SPACA6: variants seen among roughly 807,000 people sequenced by gnomAD.
The protein encoded by SPACA6 is sperm acrosome associated 6.
For missense variants in SPACA6, 8 were observed against 2.8 expected, an observed-to-expected ratio of 2.88 and a Z score of -1.34; for synonymous variants, 6 against 1.5, an observed-to-expected ratio of 4.05 and a Z score of -2.21.
chr19:51,694,957 C>T (rs2122200481), intron 2 of SPACA6, among the ~76,000 whole-genome samples: 1 of 152,208 alleles, frequency 6.6e-6, no homozygotes, highest in East Asian at 1.9e-4. Context: ...GGCCATGGAG[C>T]TCAGTGCAGG....
rs1337322215 is a variant in SPACA6, at chr19:51,703,461, G to C, written c.573+124G>C. 1 of 397,172 alleles carries C rather than the reference G, an allele frequency of 2.5e-6. No homozygotes were observed. The highest frequency in any genetic ancestry group is 2.1e-5 in the African/African-American group (1 of 48,614). 24.6% of individuals were successfully genotyped at this position (397,172 alleles called of 1,614,324 possible). A position where few individuals can be genotyped will look rare whatever the true frequency, so the allele number is the denominator to read the frequency against. On this transcript the variant is annotated intron_variant, in intron 6 of 8. Coordinates refer to ENST00000637797, the MANE Select transcript of SPACA6 (RefSeq NM_001316972.2). This position sits in a 1 kb window ranked among gnomAD's most constrained non-coding sequence, Gnocchi z 4.2. ...TCCGTCTAGACACAAGCATCAGCAA[G>C]AGGAGGGTCGCGGGATTTAGGGGAG...
chr19:51,690,077 C>A (rs1273794384), upstream of SPACA6, among the ~76,000 whole-genome samples: 1 of 133,166 alleles, frequency 7.5e-6, no homozygotes, highest in Non-Finnish European at 1.6e-5. Flanking sequence ...GGGTCAGCGG[C>A]GGGGGCAGGA....
chr19:51,712,327 TTGAG>T (rs2083545795), exon 3 of SPACA6: 1 of 152,282 alleles, frequency 6.6e-6, no homozygotes, highest in East Asian at 1.9e-4. Context: ...ATTGTACACT[TTGAG>T]TGAGTGAACT....
At chr19:51,701,925 A>G (rs532393143) in intron 3 of SPACA6, among the ~76,000 whole-genome samples, 199 bp downstream of exon 3, 71 of 152,278 alleles carry the variant, frequency 4.7e-4, no homozygotes, top group African/African-American at 1.7e-3. Context: ...TACTAAAATT[A>G]GCTGGGCGTG....
At chr19:51,704,561 A>G (rs1433146093) in intron 8 of SPACA6, 81 bp downstream of exon 8, 1 of 400,044 alleles carries the variant, frequency 2.5e-6, no homozygotes, top group South Asian at 1.3e-4. Context: ...GTTCCCAGCA[A>G]CCTCCAACCC....
intron 4 of SPACA6, 103 bp from the exon 5 acceptor site, chr19:51,702,918 C>T: frequency 2.5e-6 from 1 of 399,096 alleles, no homozygotes; most frequent in East Asian, 3.6e-5. Flanking sequence ...CAAGATGCCA[C>T]CTGGCCGATG....
rs2083498690 is a variant in SPACA6 at position 51,704,461 on chromosome 19, A to T, written c.922A>T (p.Ser308Cys). The part of the protein sequence containing the change: ...LAVLGALASA[S>C]ATVLAWMFFR... ...AGTCCTCGGGGCCCTCGCATCAGCGAGTGCGACAGTGTTGGCGTGGTGAGT... is the reference window on the plus strand; with the variant it reads ...AGTCCTCGGGGCCCTCGCATCAGCGTGTGCGACAGTGTTGGCGTGGTGAGT... Residue 308 changes from serine to cysteine, a missense_variant, in exon 8 of 9, where the codon AGT becomes TGT. Coordinates refer to ENST00000637797, the MANE Select transcript of SPACA6 (RefSeq NM_001316972.2). 1.0e-5 allele frequency: 4 copies of T among 401,094 alleles called. No homozygotes were observed. The highest frequency in any genetic ancestry group is 1.8e-5 in the Non-Finnish European group (4 of 226,188). The allele number at this position is 401,094 out of a possible 1,614,324, so 24.8% of individuals were successfully genotyped here. A position where few individuals can be genotyped will look rare whatever the true frequency, so the allele number is the denominator to read the frequency against.
At chr19:51,685,124 A>C (rs1055373327), upstream of SPACA6, among the ~76,000 whole-genome samples, 1 of 152,152 alleles carries the variant, frequency 6.6e-6, no homozygotes, top group Non-Finnish European at 1.5e-5. Context: ...CCTCCTGTCT[A>C]CCAGTTCCTG....
At chr19:51,701,076 G>A (rs558679272) in intron 2 of SPACA6, among the ~76,000 whole-genome samples, 18 of 152,186 alleles carry the variant, frequency 1.2e-4, no homozygotes, top group South Asian at 6.2e-4. Context: ...ACAAAAATTA[G>A]CCAGGCGTGG....
chr19:51,705,279 A>G (rs971535553), downstream of SPACA6: 10 of 395,256 alleles, frequency 2.5e-5, no homozygotes, highest in Non-Finnish European at 4.0e-5. Context: ...TATGGCCCGC[A>G]TAATGACAGT....
chr19:51,685,320 G>A (rs1383438568), upstream of SPACA6: 2 of 152,102 alleles, frequency 1.3e-5, no homozygotes, highest in Non-Finnish European at 2.9e-5. Flanking sequence ...GGTGATATAG[G>A]TTGAGCATCC....
At chr19:51,691,070 C>T (rs1447255530), upstream of SPACA6, among the ~76,000 whole-genome samples, 5 of 108,632 alleles carry the variant, frequency 4.6e-5, no homozygotes, top group South Asian at 1.5e-3. Flanking sequence ...CCTCCTCCGC[C>T]CCTTTCCCGC....
chr19:51,699,017 G>A (rs998419719), intron 2 of SPACA6, among the ~76,000 whole-genome samples: 13 of 152,248 alleles, frequency 8.5e-5, no homozygotes, highest in East Asian at 3.9e-4. Context: ...CTCTGTCTTT[G>A]TTTTTTAGAG....
chr19:51,692,213 C>G (rs908618907), upstream of SPACA6, among the ~76,000 whole-genome samples: 2 of 152,088 alleles, frequency 1.3e-5, no homozygotes, highest in African/African-American at 4.8e-5. This position sits in a 1 kb window ranked among gnomAD's most constrained non-coding sequence, Gnocchi z 5.6. Context: ...CCCAAAGGGC[C>G]AAATTACGAG....
intron 1 of SPACA6, 116 bp downstream of exon 1, chr19:51,693,856 G>A: frequency 2.5e-6 from 1 of 400,122 alleles, no homozygotes; most frequent in Non-Finnish European, 4.4e-6. Context: ...GAGGAGAAAG[G>A]CTCAAAGACC....
chr19:51,711,252 C>T (rs2083539964), intron 2 of SPACA6, among the ~76,000 whole-genome samples: 1 of 152,140 alleles, frequency 6.6e-6, no homozygotes, highest in Non-Finnish European at 1.5e-5. Context: ...TAGGGGAAAG[C>T]ATGACCATCT....
chr19:51,705,162 C>T lies in SPACA6; in HGVS notation c.*39C>T. The T allele has an allele frequency of 2.5e-6, 1 of 401,224 alleles. No homozygotes were observed. The highest frequency in any genetic ancestry group is 4.4e-6 in the Non-Finnish European group (1 of 226,252). The allele number at this position is 401,224 out of a possible 1,614,324, so 24.9% of individuals were successfully genotyped here. A position where few individuals can be genotyped will look rare whatever the true frequency, so the allele number is the denominator to read the frequency against. Reference sequence around the variant, plus strand: ...CCTCCTTCCCTATCCTATTTCCATCCTGAAAATAAAGAATATATTTCAACT... The same window carrying T: ...CCTCCTTCCCTATCCTATTTCCATCTTGAAAATAAAGAATATATTTCAACT... On this transcript the variant is annotated 3_prime_UTR_variant, in exon 9 of 9. Transcript: ENST00000637797.
intron 2 of SPACA6, among the ~76,000 whole-genome samples, chr19:51,700,419 C>A (rs189623273): frequency 4.6e-5 from 7 of 152,166 alleles, no homozygotes; most frequent in Non-Finnish European, 1.0e-4. Flanking sequence ...TATGGAAATG[C>A]GATCTCTGTG....
chr19:51,702,089 C>G (rs1216315547), intron 3 of SPACA6, among the ~76,000 whole-genome samples: 1 of 152,090 alleles, frequency 6.6e-6, no homozygotes, highest in Non-Finnish European at 1.5e-5. Flanking sequence ...CCTGAGACCC[C>G]CCATCCACTC....
Sources: gnomAD v4.1 joint callset for allele counts (sites outside exome capture counted in the v4.1 genomes callset) on GRCh38, gnomAD v4.1.1 for gene constraint, Gnocchi (gnomAD v3.1) non-coding constraint, MANE v1.5 for transcripts, NCBI Gene and HGNC (gene_info 2026-07-23, HGNC 2026-07-21) for gene names.